The following NFIA variants were observed in gnomAD, a reference collection of about 807,000 sequenced individuals.
The protein encoded by NFIA is nuclear factor 1 A-type.
In NFIA, 8 loss-of-function variants were observed where a neutral mutation model predicts 62.8. The ratio of observed to expected loss-of-function variants is 0.13; its 90% CI spans 0.07 to 0.23. NFIA has a LOEUF of 0.23. Among genes scored for constraint, NFIA ranks in the 10% least tolerant of loss-of-function variants. The pLI is 1.00. For synonymous variants in NFIA, 235 were observed against 238.1 expected (o/e 0.99, Z 0.12); for missense variants, 410 against 642.1 (o/e 0.64, Z 3.91).
At chr1:61,308,995 A>G (rs1356005444) in intron 3 of NFIA, among the ~76,000 whole-genome samples, 1 of 152,190 alleles carries the variant, frequency 6.6e-6, no homozygotes, top group Non-Finnish European at 1.5e-5. Context: ...AGTAACCTAC[A>G]CTGTAGGGCT....
intron 3 of NFIA, among the ~76,000 whole-genome samples, chr1:61,324,918 T>G (rs1302203125): frequency 6.6e-6 from 1 of 152,224 alleles, no homozygotes; most frequent in Admixed American, 6.5e-5. Context: ...GGTATTGAAG[T>G]CTGTGCTCTA....
intron 2 of NFIA, among the ~76,000 whole-genome samples, chr1:61,101,047 AAATGTAAAGAAAATTCAAGCAG>A (rs1557565031): frequency 6.6e-6 from 1 of 151,774 alleles, no homozygotes; most frequent in Non-Finnish European, 1.5e-5. Context: ...ATATTTTTGT[AAATGTAAAGAAAATTCAAGCAG>A]ACAGAAGATG....
chr1:61,090,009 G>A (rs74086439), intron 2 of NFIA, among the ~76,000 whole-genome samples: 9,307 of 152,060 alleles, frequency 0.061, 747 homozygotes, highest in East Asian at 0.36. Flanking sequence ...TTTCAAAAAT[G>A]TATACTTAAT....
chr1:61,121,410 G>T (rs974887515), intron 2 of NFIA, among the ~76,000 whole-genome samples: 1 of 152,158 alleles, frequency 6.6e-6, no homozygotes, highest in Non-Finnish European at 1.5e-5. Context: ...ATTCTAGGGA[G>T]TAAAATGCGT....
At chr1:61,124,589 T>C (rs184771321) in intron 2 of NFIA, 176 of 152,308 alleles carry the variant, frequency 1.2e-3, no homozygotes, top group African/African-American at 4.2e-3. Context: ...GTGTTATCAG[T>C]GTAAAATTAT....
intron 2 of NFIA, among the ~76,000 whole-genome samples, chr1:61,178,859 T>C (rs1295005487): frequency 1.3e-5 from 2 of 152,210 alleles, no homozygotes; most frequent in South Asian, 2.1e-4. Context: ...CCAGGAAGTA[T>C]GGTGAGGGCA....
intron 7 of NFIA, among the ~76,000 whole-genome samples, chr1:61,402,567 A>G (rs1475107900): frequency 6.6e-6 from 1 of 152,184 alleles, no homozygotes; most frequent in African/African-American, 2.4e-5. Context: ...GGCTGGGAGA[A>G]GTGTAAGCTT....
At chr1:61,301,035 G>A (rs533161353) in intron 3 of NFIA, among the ~76,000 whole-genome samples, 22 of 152,118 alleles carry the variant, frequency 1.4e-4, no homozygotes, top group Non-Finnish European at 2.6e-4. Context: ...AAAGAGAAAC[G>A]TATGATTAAT....
intron 3 of NFIA, among the ~76,000 whole-genome samples, chr1:61,309,880 C>T (rs1458532567): frequency 3.3e-5 from 5 of 152,286 alleles, no homozygotes; most frequent in East Asian, 3.9e-4. Flanking sequence ...CAGAGTGAAA[C>T]GCCGTCTCCA....
Position 61,335,551 on chromosome 1 carries a change from T to C in NFIA, c.700+2965T>C, listed in dbSNP as rs1055474752. Among the ~76,000 whole-genome samples, 5 of 152,168 alleles carry C rather than the reference T, an allele frequency of 3.3e-5. No homozygotes were observed. In the South Asian group the frequency reaches 1.0e-3, roughly 32 times the overall value. On this transcript the variant is annotated intron_variant, in intron 4 of 10. Coordinates refer to ENST00000403491, the MANE Select transcript of NFIA (RefSeq NM_001134673.4). ...TGCATTCTGTATCCTCGAATAGAAA[T>C]AAGCTAACTGGCCAGGCGCGGTGGC...
At chr1:61,402,491 T>C (rs1438601546) in intron 7 of NFIA, among the ~76,000 whole-genome samples, 1 of 152,218 alleles carries the variant, frequency 6.6e-6, no homozygotes, top group Non-Finnish European at 1.5e-5. Flanking sequence ...CAAATATTTA[T>C]TGAGTGCCAG....
At chr1:61,339,390 C>A (rs1422281371) in intron 4 of NFIA, among the ~76,000 whole-genome samples, 1 of 152,046 alleles carries the variant, frequency 6.6e-6, no homozygotes, top group Non-Finnish European at 1.5e-5. Flanking sequence ...TTCTGATTGG[C>A]CCCTATATAT....
intron 3 of NFIA, among the ~76,000 whole-genome samples, chr1:61,290,652 G>A (rs1327512056): frequency 3.9e-5 from 6 of 152,196 alleles, no homozygotes; most frequent in Non-Finnish European, 8.8e-5. Context: ...GAAGCACCTT[G>A]TTGTCCGAGC....
intron 2 of NFIA, among the ~76,000 whole-genome samples, chr1:61,218,969 C>T (rs993008477): frequency 1.1e-4 from 17 of 152,234 alleles, no homozygotes; most frequent in Non-Finnish European, 2.4e-4. Flanking sequence ...TGGTGGCTCA[C>T]GCCTATAATC....
intron 2 of NFIA, among the ~76,000 whole-genome samples, chr1:61,200,886 T>C (rs561928400): frequency 1.3e-5 from 2 of 152,360 alleles, no homozygotes; most frequent in East Asian, 3.9e-4. Flanking sequence ...GCTTCTGTTA[T>C]GGCTGTAGAC....
chr1:61,135,480 C>T (rs1264795490), intron 2 of NFIA, among the ~76,000 whole-genome samples: 1 of 152,136 alleles, frequency 6.6e-6, no homozygotes, highest in Non-Finnish European at 1.5e-5. Flanking sequence ...AGTCATGGCT[C>T]ACTGCAGCCT....
intron 3 of NFIA, among the ~76,000 whole-genome samples, chr1:61,330,443 C>CCCA (rs554691317): frequency 1.7e-4 from 15 of 90,714 alleles, no homozygotes; most frequent in South Asian, 6.8e-4. Context: ...TACACCCCCC[C>CCCA]CACACACACA....
chr1:61,220,687 T>C (rs1337634219), intron 2 of NFIA, among the ~76,000 whole-genome samples: 1 of 152,216 alleles, frequency 6.6e-6, no homozygotes, highest in Non-Finnish European at 1.5e-5. Context: ...TTTGGCAAGT[T>C]AGGCCTTTCT....
At chr1:61,389,035 G>C (rs1033490892) in intron 7 of NFIA, among the ~76,000 whole-genome samples, 12 of 152,040 alleles carry the variant, frequency 7.9e-5, no homozygotes, top group African/African-American at 2.9e-4. Context: ...GATTGCTTGA[G>C]CCCAGGAATT....
Sources: allele counts gnomAD v4.1 joint callset (sites outside exome capture counted in the v4.1 genomes callset), GRCh38; gene constraint gnomAD v4.1.1; transcripts MANE v1.5; gene names NCBI Gene and HGNC (gene_info 2026-07-23, HGNC 2026-07-21).